CLHC1: variants seen among roughly 807,000 people sequenced by gnomAD.
CLHC1 encodes clathrin heavy chain linker domain containing 1, also known as clathrin heavy chain linker domain-containing protein 1.
CLHC1 carries 72 observed loss-of-function variants against 69.5 expected under a neutral mutation model. The ratio of observed to expected loss-of-function variants is 1.04; its 90% CI spans 0.86 to 1.26. The LOEUF (loss-of-function observed/expected upper bound fraction) is 1.26. Among genes scored for constraint, CLHC1 ranks in the 50% most tolerant of loss-of-function variants. The pLI, the probability that CLHC1 is intolerant of heterozygous loss-of-function variation, is 0.00. For synonymous variants in CLHC1, 223 were observed against 224.3 expected (o/e 0.99, Z 0.05); for missense variants, 790 against 679.3 (o/e 1.16, Z -1.81).
At chr2:55,179,522 CAA>C in intron 11 of CLHC1, among the ~76,000 whole-genome samples, 1 of 152,220 alleles carries the variant, frequency 6.6e-6, no homozygotes, top group Admixed American at 6.5e-5. Flanking sequence ...CCAGATTCAA[CAA>C]CTACTAAAAC....
chr2:55,212,409 G>A (rs1316334237), intron 5 of CLHC1, among the ~76,000 whole-genome samples: 3 of 152,164 alleles, frequency 2.0e-5, no homozygotes, highest in Non-Finnish European at 2.9e-5. Context: ...AGGTCTTTAG[G>A]TGATGCTGAT....
chr2:55,177,456 C>A (rs1669498557), intron 12 of CLHC1, 146 bp downstream of exon 12: 1 of 467,340 alleles, frequency 2.1e-6, no homozygotes, highest in African/African-American at 2.0e-5. Context: ...ATTTACATGG[C>A]AATCTTTACA....
At chr2:55,180,037 C>T (rs536745422) in intron 11 of CLHC1, among the ~76,000 whole-genome samples, 1 of 151,982 alleles carries the variant, frequency 6.6e-6, no homozygotes, top group South Asian at 2.1e-4. Flanking sequence ...ACCTGTAGTC[C>T]CAGCTACTTG....
intron 9 of CLHC1, among the ~76,000 whole-genome samples, chr2:55,182,930 A>G (rs1431300321): frequency 6.6e-6 from 1 of 152,172 alleles, no homozygotes; most frequent in African/African-American, 2.4e-5. Context: ...AAAAGGCACA[A>G]TGGAAAGTCC....
chr2:55,188,202 A>G (rs1042111138), intron 9 of CLHC1, among the ~76,000 whole-genome samples: 2 of 152,086 alleles, frequency 1.3e-5, no homozygotes, highest in African/African-American at 4.8e-5. Context: ...TGTAGTCCCA[A>G]TGACTAGAGA....
At chr2:55,179,368 A>G (rs1425129548) in intron 11 of CLHC1, among the ~76,000 whole-genome samples, 1 of 152,176 alleles carries the variant, frequency 6.6e-6, no homozygotes, top group Non-Finnish European at 1.5e-5. Flanking sequence ...CAACATAAGG[A>G]TTAAGTGAGA....
At chr2:55,214,876 A>G (rs1289905756) in intron 4 of CLHC1, 1 of 152,246 alleles carries the variant, frequency 6.6e-6, no homozygotes, top group Non-Finnish European at 1.5e-5. Flanking sequence ...AGCCATAAAA[A>G]GGAATTAAGT....
chr2:55,180,535 T>C lies in CLHC1; in HGVS notation c.1359A>G (p.Ile453Met). ...QGQTHRVMEY[I>M]QQLKDFTTDD... ...CGGTAGTAAAGTCCTTCAACTGCTG[T>C]ATGTACTCCATGACCCTATGAGTCT... Residue 453 changes from isoleucine (I) to methionine (M), a missense_variant, in exon 11 of 13, where the codon ATA becomes ATG. Transcript: ENST00000401408. 6.2e-7 allele frequency: 1 copy of C among 1,614,002 alleles called. No individual in the cohort carries two copies. Among genetic ancestry groups the C allele is most frequent in the Non-Finnish European group, 8.5e-7 (1 of 1,179,850 alleles).
At chr2:55,213,308 A>C (rs887889994) in intron 4 of CLHC1, among the ~76,000 whole-genome samples, 1 of 152,206 alleles carries the variant, frequency 6.6e-6, no homozygotes, top group Non-Finnish European at 1.5e-5. Context: ...GGCTGCAGGC[A>C]TTCTGACTTC....
chr2:55,219,868 T>C (rs1673943162), intron 3 of CLHC1, among the ~76,000 whole-genome samples: 2 of 152,138 alleles, frequency 1.3e-5, no homozygotes, highest in African/African-American at 4.8e-5. Flanking sequence ...GGTCAGCAAC[T>C]TTACAGAGTC....
chr2:55,192,452 G>A (rs1419729889), intron 9 of CLHC1, among the ~76,000 whole-genome samples: 1 of 152,084 alleles, frequency 6.6e-6, no homozygotes, highest in Non-Finnish European at 1.5e-5. Context: ...CCAAGTATAT[G>A]TTGCTTAGAA....
rs574298892 is a variant in CLHC1, at chr2:55,230,614, G to A, written c.-256+1609C>T. On this transcript the variant is annotated intron_variant, in intron 1 of 12. Transcript: ENST00000401408. ...GGGCCTTGGGGATACTCCATGGTTA[G>A]AGGTCTTGCAGATCAAGAGGAAGCA... Among the ~76,000 whole-genome samples, 3 of 152,302 alleles carry A rather than the reference G, an allele frequency of 2.0e-5. No homozygotes were observed. In the South Asian group the frequency reaches 6.2e-4, roughly 32 times the overall value.
intron 2 of CLHC1, chr2:55,224,414 G>C (rs1201146348): frequency 1.1e-5 from 5 of 435,910 alleles, no homozygotes; most frequent in South Asian, 5.4e-5. Context: ...GGAAAGCTAT[G>C]TCACAAAGGA....
At chr2:55,196,047 T>C (rs1306931277) in intron 9 of CLHC1, among the ~76,000 whole-genome samples, 3 of 152,042 alleles carry the variant, frequency 2.0e-5, no homozygotes, top group Non-Finnish European at 2.9e-5. Flanking sequence ...GCAGTGATTG[T>C]AGGACTTCGC....
At chr2:55,193,758 A>G (rs947154095) in intron 9 of CLHC1, among the ~76,000 whole-genome samples, 1 of 152,166 alleles carries the variant, frequency 6.6e-6, no homozygotes, top group Non-Finnish European at 1.5e-5. Flanking sequence ...TAGCTTGGCA[A>G]TTTCACTCCT....
At chr2:55,182,296 C>T (rs1670008003) in intron 9 of CLHC1, among the ~76,000 whole-genome samples, 1 of 152,120 alleles carries the variant, frequency 6.6e-6, no homozygotes, top group African/African-American at 2.4e-5. Context: ...CTTAGTCTAA[C>T]ATACCCTAAC....
chr2:55,228,515 G>A (rs887657071), intron 1 of CLHC1, among the ~76,000 whole-genome samples: 1 of 152,142 alleles, frequency 6.6e-6, no homozygotes, highest in Non-Finnish European at 1.5e-5. Flanking sequence ...GGGATGTGTT[G>A]ACAAGTCACA....
Position 55,212,716 on chromosome 2 carries a change from T to C in CLHC1, c.456A>G (p.Val152=), listed in dbSNP as rs765273490. The stretch of plus-strand genomic sequence containing the variant: ...GATCTTTGGAGAAAGTACAATATTT[T>C]ACTTCTTTTGTGTCATACTCTGCCC... ...QCRAEYDTKE[V]KYCTFSKDPS... The change falls in exon 5 of 13, where the codon GTA becomes GTG. Residue 152 remains valine, a synonymous_variant. Coordinates refer to ENST00000401408, the MANE Select transcript of CLHC1 (RefSeq NM_152385.4). 3.1e-6 allele frequency: 5 copies of C among 1,598,346 alleles called. No individual in the cohort carries two copies. The highest frequency in any genetic ancestry group is 4.3e-6 in the Non-Finnish European group (5 of 1,165,712).
At position 55,190,469 on chromosome 2, in the gene CLHC1, G is replaced by A. The variant is rs149482989; in HGVS notation, c.1007-8725C>T. On this transcript the variant is annotated intron_variant, in intron 9 of 12. Coordinates refer to ENST00000401408, the MANE Select transcript of CLHC1 (RefSeq NM_152385.4). ...TGACATGATAGAATTTGTAGAAAAGGATATTAAAAGTTATTATAACTGTAT... is the reference window on the plus strand; with the variant it reads ...TGACATGATAGAATTTGTAGAAAAGAATATTAAAAGTTATTATAACTGTAT... Among the ~76,000 whole-genome samples the A allele has an allele frequency of 1.9e-3, 283 of 152,236 alleles. 2 individuals carry two copies. The highest frequency in any genetic ancestry group is 6.5e-3 in the African/African-American group (271 of 41,518).
Sources: gnomAD v4.1 joint callset for allele counts (sites outside exome capture counted in the v4.1 genomes callset) on GRCh38, gnomAD v4.1.1 for gene constraint, MANE v1.5 for transcripts, NCBI Gene and HGNC (gene_info 2026-07-23, HGNC 2026-07-21) for gene names.